Variants in ZPBP observed in about 807,000 individuals in gnomAD.
ZPBP encodes the protein zona pellucida-binding protein 1.
A neutral mutation model predicts 44.8 loss-of-function variants in ZPBP; 26 were observed. That is an observed-to-expected ratio of 0.58 (90% CI 0.43 to 0.81). The LOEUF is 0.81. ZPBP is among the 30% of genes least tolerant of loss of function. ZPBP has a pLI of 0.00. For synonymous variants in ZPBP, 174 were observed against 153.2 expected (o/e 1.14, Z -1.00); for missense variants, 409 against 434.0 (o/e 0.94, Z 0.51).
intron 3 of ZPBP, among the ~76,000 whole-genome samples, chr7:50,066,052 T>C (rs925996905): frequency 2.6e-5 from 4 of 151,068 alleles, no homozygotes; most frequent in Admixed American, 6.6e-5. Context: ...TTCCACTGAA[T>C]GTTACAGTCT....
At chr7:50,083,601 A>C (rs1433146078) in intron 2 of ZPBP, among the ~76,000 whole-genome samples, 6 of 151,936 alleles carry the variant, frequency 3.9e-5, no homozygotes, top group African/African-American at 1.2e-4. Flanking sequence ...AGTTACTGAG[A>C]TATATTAACA....
At chr7:49,869,614 G>A (rs571227895) in intron 2 of ZPBP, among the ~76,000 whole-genome samples, 9 of 152,186 alleles carry the variant, frequency 5.9e-5, no homozygotes, top group African/African-American at 2.2e-4. Context: ...TTAAAAAATA[G>A]TCCTAAAAAA....
At chr7:50,063,519 G>T (rs1408257940) in intron 3 of ZPBP, among the ~76,000 whole-genome samples, 2 of 152,194 alleles carry the variant, frequency 1.3e-5, no homozygotes, top group Non-Finnish European at 2.9e-5. Flanking sequence ...GAGGTAAAAG[G>T]CAAGGGAGGA....
intron 4 of ZPBP, among the ~76,000 whole-genome samples, chr7:50,034,947 A>G (rs1435034958): frequency 1.3e-5 from 2 of 152,270 alleles, no homozygotes; most frequent in Non-Finnish European, 2.9e-5. Context: ...GTAAGGTTAA[A>G]GACGCTGAAA....
chr7:49,920,992 G>A (rs1327809548), intron 1 of ZPBP: 1 of 152,132 alleles, frequency 6.6e-6, no homozygotes, highest in Non-Finnish European at 1.5e-5. Context: ...AAATTATTTG[G>A]TGAAAGTTTT....
At chr7:49,943,580 G>A (rs1208403656) in intron 7 of ZPBP, 8 of 374,250 alleles carry the variant, frequency 2.1e-5, no homozygotes, top group Non-Finnish European at 4.2e-5. Context: ...GGGTCAGTAA[G>A]ACTTGCATGG....
intron 3 of ZPBP, among the ~76,000 whole-genome samples, chr7:50,062,738 T>C (rs994415631): frequency 6.6e-6 from 1 of 152,182 alleles, no homozygotes; most frequent in South Asian, 2.1e-4. Context: ...AAGGCTCTAC[T>C]GATCATTCTT....
chr7:49,854,158 A>T (rs1790317492), intron 2 of ZPBP, among the ~76,000 whole-genome samples: 1 of 152,168 alleles, frequency 6.6e-6, no homozygotes, highest in Admixed American at 6.5e-5. Context: ...TATTGTGAAT[A>T]GTGCCGCAAT....
At chr7:50,050,124 A>C (rs1800614989) in intron 4 of ZPBP, among the ~76,000 whole-genome samples, 1 of 152,130 alleles carries the variant, frequency 6.6e-6, no homozygotes, top group Non-Finnish European at 1.5e-5. Context: ...ATGGATAGAC[A>C]TACCATGCTC....
intron 3 of ZPBP, among the ~76,000 whole-genome samples, chr7:50,060,768 T>C (rs958851976): frequency 2.6e-5 from 4 of 152,060 alleles, no homozygotes; most frequent in Non-Finnish European, 5.9e-5. Context: ...AGCTAAACTA[T>C]CCCAAAAAAT....
At chr7:49,845,629 C>G (rs1028897458), downstream of ZPBP, among the ~76,000 whole-genome samples, 1 of 152,188 alleles carries the variant, frequency 6.6e-6, no homozygotes, top group Non-Finnish European at 1.5e-5. Flanking sequence ...TCTTCAAATA[C>G]AGAAATTCCT....
chr7:49,952,947 AAATAAT>A (rs1795411348), intron 7 of ZPBP, among the ~76,000 whole-genome samples: 1 of 152,082 alleles, frequency 6.6e-6, no homozygotes, highest in Non-Finnish European at 1.5e-5. Flanking sequence ...AAACAATGAA[AAATAAT>A]AATAATAATT....
chr7:50,028,518 G>A (rs1044225139), intron 5 of ZPBP, among the ~76,000 whole-genome samples: 1 of 151,736 alleles, frequency 6.6e-6, no homozygotes, highest in East Asian at 1.9e-4. Flanking sequence ...ATGTATCCAG[G>A]GTGGAAAGTG....
chr7:49,867,658 C>T (rs371982388), intron 2 of ZPBP, among the ~76,000 whole-genome samples: 2 of 152,272 alleles, frequency 1.3e-5, no homozygotes, highest in African/African-American at 4.8e-5. Context: ...ACCTGCGAGG[C>T]CCTGGCTGAA....
chr7:50,009,191 T>G (rs1350906820), intron 6 of ZPBP, among the ~76,000 whole-genome samples: 1 of 147,084 alleles, frequency 6.8e-6, no homozygotes. Flanking sequence ...GAGCCAAGAT[T>G]GTAACACTGC....
chr7:49,980,843 A>AG (rs1796827867), intron 7 of ZPBP, among the ~76,000 whole-genome samples: 1 of 152,114 alleles, frequency 6.6e-6, no homozygotes, highest in African/African-American at 2.4e-5. Context: ...GCCAAATCAT[A>AG]GCAATATCAT....
At chr7:50,086,944 G>A (rs1376792707) in intron 2 of ZPBP, among the ~76,000 whole-genome samples, 2 of 152,022 alleles carry the variant, frequency 1.3e-5, no homozygotes, top group East Asian at 3.9e-4. Flanking sequence ...AGTAGCAAGA[G>A]AGAAGCAACT....
chr7:49,901,681 T>C (rs1254816017), intron 1 of ZPBP, among the ~76,000 whole-genome samples: 1 of 151,884 alleles, frequency 6.6e-6, no homozygotes, highest in African/African-American at 2.4e-5. Context: ...TTTATAGTTA[T>C]CAAAACGGAT....
chr7:50,029,371 A>G (rs1161714762), intron 5 of ZPBP, among the ~76,000 whole-genome samples: 1 of 152,204 alleles, frequency 6.6e-6, no homozygotes, highest in African/African-American at 2.4e-5. Flanking sequence ...TGTAATAGCT[A>G]AAACTACAGA....
Sources: gnomAD v4.1 joint callset for allele counts (sites outside exome capture counted in the v4.1 genomes callset) on GRCh38, gnomAD v4.1.1 for gene constraint, MANE v1.5 for transcripts, NCBI Gene and HGNC (gene_info 2026-07-23, HGNC 2026-07-21) for gene names.